NCOA3: variants seen among roughly 807,000 people sequenced by gnomAD.
NCOA3 encodes the protein nuclear receptor coactivator 3.
A neutral mutation model predicts 158.8 loss-of-function variants in NCOA3; 51 were observed. That is an observed-to-expected ratio of 0.32 (90% CI 0.26 to 0.41). NCOA3 has a LOEUF of 0.41. Ranked by LOEUF, NCOA3 falls within the 10% of genes least tolerant of loss-of-function variation. NCOA3 has a pLI of 1.00. For synonymous variants in NCOA3, 537 were observed against 592.4 expected, an observed-to-expected ratio of 0.91 and a Z score of 1.36; for missense variants, 1,510 against 1,746.6, an observed-to-expected ratio of 0.86 and a Z score of 2.41.
intron 2 of NCOA3, among the ~76,000 whole-genome samples, chr20:47,606,394 C>T (rs1364335123): frequency 1.3e-5 from 2 of 152,180 alleles, no homozygotes; most frequent in Non-Finnish European, 2.9e-5. Context: ...CATAAAATTG[C>T]TGACACCTTA....
chr20:47,527,706 C>T (rs1361721803), intron 1 of NCOA3, among the ~76,000 whole-genome samples: 7 of 152,102 alleles, frequency 4.6e-5, no homozygotes, highest in Admixed American at 3.9e-4. Flanking sequence ...AAACTGTTTA[C>T]CTGTCTGTTC....
At position 47,655,271 on chromosome 20, in the gene NCOA3, G is replaced by T. The variant is rs2086854453; in HGVS notation, c.*1854G>T. The T allele has an allele frequency of 6.6e-6, 1 of 152,168 alleles. No homozygotes were observed. Among genetic ancestry groups the T allele is most frequent in the Admixed American group, 6.5e-5 (1 of 15,284 alleles). 9.4% of individuals were successfully genotyped at this position (152,168 alleles called of 1,614,324 possible). A position where few individuals can be genotyped will look rare whatever the true frequency, so the allele number is the denominator to read the frequency against. On this transcript the variant is annotated 3_prime_UTR_variant, in exon 23 of 23. Transcript: ENST00000371998. Reference sequence around the variant, plus strand: ...TCCCTTTATCTGGGTTAATTCATTTGGTTCAAATAGTTGACGGAATTGGGT... The same window carrying T: ...TCCCTTTATCTGGGTTAATTCATTTTGTTCAAATAGTTGACGGAATTGGGT...
chr20:47,520,061 CAAAAAAAA>C (rs35406814), intron 1 of NCOA3, among the ~76,000 whole-genome samples: 4 of 32,886 alleles, frequency 1.2e-4, no homozygotes, highest in Non-Finnish European at 2.1e-4. Flanking sequence ...TGTGCCTGGC[CAAAAAAAA>C]AAAAAAAAAA....
At chr20:47,605,012 C>T (rs547033026) in intron 2 of NCOA3, among the ~76,000 whole-genome samples, 3 of 152,198 alleles carry the variant, frequency 2.0e-5, no homozygotes, top group South Asian at 4.2e-4. Context: ...GGACTACAGG[C>T]GCATGCCACT....
chr20:47,616,320 A>G (rs916456039), intron 2 of NCOA3, among the ~76,000 whole-genome samples: 1 of 151,394 alleles, frequency 6.6e-6, no homozygotes, highest in Non-Finnish European at 1.5e-5. Context: ...CAGTCCCCCA[A>G]GTAGCTGGGA....
intron 12 of NCOA3, 31 bp from the exon 13 acceptor site, chr20:47,637,617 T>C (rs145322735): frequency 6.4e-7 from 1 of 1,571,064 alleles, no homozygotes; most frequent in Non-Finnish European, 8.7e-7. Context: ...TGGTAATGTA[T>C]ACAGGTTAAT....
chr20:47,510,722 A>G (rs2084108048), intron 1 of NCOA3, among the ~76,000 whole-genome samples: 1 of 151,852 alleles, frequency 6.6e-6, no homozygotes, highest in Admixed American at 6.6e-5. Flanking sequence ...GCCTCCCAGT[A>G]GCTGTGACTA....
chr20:47,636,451 C>A lies in NCOA3; in HGVS notation c.2065C>A (p.Leu689Met). The A allele has an allele frequency of 6.2e-7, 1 of 1,614,116 alleles. No individual in the cohort carries two copies. ...QEKHRILHKLLQNGNSPAEVA... is the reference protein window; with the variant it reads ...QEKHRILHKLMQNGNSPAEVA... The stretch of plus-strand genomic sequence containing the variant: ...GAAGCACCGGATTTTGCACAAGTTG[C>A]TGCAGAATGGGAATTCACCAGCTGA... The change falls in exon 12 of 23, where the codon CTG (leucine) becomes ATG (methionine). Residue 689 changes from leucine (L) to methionine (M), a missense_variant. Physicochemically the swap from Leu to Met is conservative, Grantham distance 15. Coordinates refer to ENST00000371998, the MANE Select transcript of NCOA3 (RefSeq NM_181659.3).
chr20:47,545,754 G>A (rs572078127), intron 1 of NCOA3, among the ~76,000 whole-genome samples: 4 of 151,168 alleles, frequency 2.6e-5, no homozygotes, highest in South Asian at 2.1e-4. Context: ...TCGGTCTGTC[G>A]CCTAGGCTGA....
At chr20:47,515,719 G>A (rs879905975) in intron 1 of NCOA3, among the ~76,000 whole-genome samples, 2 of 151,800 alleles carry the variant, frequency 1.3e-5, no homozygotes, top group Non-Finnish European at 2.9e-5. Context: ...GCCTCAAGTG[G>A]TCCGCCCACC....
chr20:47,563,429 T>C (rs2085139389), intron 1 of NCOA3, among the ~76,000 whole-genome samples: 1 of 152,166 alleles, frequency 6.6e-6, no homozygotes, highest in African/African-American at 2.4e-5. Context: ...ATAGGCTATC[T>C]CTGTACTTGG....
In NCOA3 at chr20:47,511,251, C is replaced by CT. The variant is rs574225212; in HGVS notation, c.-99+9245dup. Among the ~76,000 whole-genome samples, 412 of 128,846 alleles carry CT rather than the reference C, an allele frequency of 3.2e-3. 1 individual carries two copies. Among genetic ancestry groups the CT allele is most frequent in the South Asian group, 7.7e-3 (31 of 4,034 alleles). The allele number at this position is 128,846 out of a possible 152,430, so 84.5% of individuals were successfully genotyped here. A position where few individuals can be genotyped will look rare whatever the true frequency, so the allele number is the denominator to read the frequency against. ...ATTTAAACATTTTCTTTCTTTCTTTCTTTTTTTTTTTTTGAGATGGGGGTC... is the reference window on the plus strand; with the variant it reads ...ATTTAAACATTTTCTTTCTTTCTTTCTTTTTTTTTTTTTTGAGATGGGGGTC... On this transcript the variant is annotated intron_variant, in intron 1 of 22. Coordinates refer to ENST00000371998, the MANE Select transcript of NCOA3 (RefSeq NM_181659.3).
chr20:47,574,602 T>G (rs1435059929), intron 1 of NCOA3, among the ~76,000 whole-genome samples: 20 of 152,344 alleles, frequency 1.3e-4, no homozygotes, highest in Admixed American at 1.2e-3. Context: ...AACAAAACTT[T>G]ATCAAATATT....
chr20:47,588,470 A>G (rs2085573424), intron 2 of NCOA3, among the ~76,000 whole-genome samples: 1 of 152,074 alleles, frequency 6.6e-6, no homozygotes, highest in Non-Finnish European at 1.5e-5. Context: ...TACTTTCTGT[A>G]TAAACTAGTT....
At chr20:47,581,364 G>A (rs1330945756) in intron 1 of NCOA3, among the ~76,000 whole-genome samples, 1 of 152,082 alleles carries the variant, frequency 6.6e-6, no homozygotes, top group Non-Finnish European at 1.5e-5. Flanking sequence ...TTTGTTGTGA[G>A]CCACATGTAA....
Position 47,656,498 on chromosome 20 carries a change from T to G in NCOA3, c.*3081T>G, listed in dbSNP as rs920190736. 2.1e-4 allele frequency: 32 copies of G among 152,404 alleles called. No homozygotes were observed. The highest frequency in any genetic ancestry group is 2.0e-3 in the Admixed American group (30 of 15,266). The allele number at this position is 152,404 out of a possible 1,614,324, so 9.4% of individuals were successfully genotyped here. A position where few individuals can be genotyped will look rare whatever the true frequency, so the allele number is the denominator to read the frequency against. ...ACATGTATGCCTGCCCAGTTCCCTT[T>G]TTATTTGCAGAAGCTGTGAGTTTTG... On this transcript the variant is annotated 3_prime_UTR_variant, in exon 23 of 23. Coordinates refer to ENST00000371998, the MANE Select transcript of NCOA3 (RefSeq NM_181659.3).
chr20:47,558,010 C>T (rs906808183), intron 1 of NCOA3, among the ~76,000 whole-genome samples: 8 of 151,690 alleles, frequency 5.3e-5, no homozygotes, highest in Non-Finnish European at 1.2e-4. Context: ...TGACATCTCC[C>T]TGTGTCTTCA....
chr20:47,546,067 C>T lies in NCOA3; in HGVS notation c.-98-37116C>T, dbSNP rs1471122341. ...CTCTTTTGTTTCCTCACTTGTATAT[C>T]CAACTGTCCTCTGAACCTTTTCATT... is the stretch of plus-strand genomic sequence containing the variant. On this transcript the variant is annotated intron_variant, in intron 1 of 22. Transcript: ENST00000371998. Among the ~76,000 whole-genome samples the T allele has an allele frequency of 8.5e-5, 13 of 152,078 alleles. No individual in the cohort carries two copies. The East Asian group carries it at 2.5e-3, about 29-fold the overall frequency.
At chr20:47,552,964 C>CTA (rs1264287008) in intron 1 of NCOA3, among the ~76,000 whole-genome samples, 1 of 147,056 alleles carries the variant, frequency 6.8e-6, no homozygotes, top group Non-Finnish European at 1.5e-5. Context: ...GGGTTTTGCT[C>CTA]TGTCACCCAG....
Sources: allele counts gnomAD v4.1 joint callset (sites outside exome capture counted in the v4.1 genomes callset), GRCh38; gene constraint gnomAD v4.1.1; transcripts MANE v1.5; gene names NCBI Gene and HGNC (gene_info 2026-07-23, HGNC 2026-07-21).